The following TACC2 variants were observed in gnomAD, a reference collection of about 807,000 sequenced individuals.
The protein encoded by TACC2 is transforming acidic coiled-coil containing protein 2, also known as transforming acidic coiled-coil-containing protein 2.
TACC2 carries 137 observed loss-of-function variants against 227.3 expected under a neutral mutation model. The observed-to-expected ratio is 0.60, with a 90% CI of 0.52 to 0.69. The LOEUF (loss-of-function observed/expected upper bound fraction) is 0.69. TACC2 is among the 30% of genes least tolerant of loss of function. TACC2 has a pLI of 0.00. For synonymous variants in TACC2, 1,523 were observed against 1,487.5 expected (o/e 1.02, Z -0.55); for missense variants, 3,470 against 3,694.4 (o/e 0.94, Z 1.57).
At position 122,210,291 on chromosome 10, in the gene TACC2, G is replaced by A. The variant is rs377024586; in HGVS notation, c.5972-106G>A. On this transcript the variant is annotated intron_variant, in intron 8 of 22. Coordinates refer to ENST00000369005, the MANE Select transcript of TACC2 (RefSeq NM_206862.4). The surrounding 1 kb of genome is among the most constrained non-coding windows in gnomAD (Gnocchi z 4.6). ...GTGATGGGCGGGGTGGCCTGGGGCC[G>A]TGGTTTGTCAACCCCTACGCTGGAG... 3.1e-5 allele frequency: 28 copies of A among 893,500 alleles called. No individual in the cohort carries two copies. Among genetic ancestry groups the A allele is most frequent in the Non-Finnish European group, 3.8e-5 (21 of 553,026 alleles). 55.3% of individuals were successfully genotyped at this position (893,500 alleles called of 1,614,324 possible). A position where few individuals can be genotyped will look rare whatever the true frequency, so the allele number is the denominator to read the frequency against.
chr10:122,248,583 C>G (rs1323126531), intron 19 of TACC2, 60 bp from the exon 20 acceptor site: 2 of 1,602,126 alleles, frequency 1.2e-6, no homozygotes, highest in Non-Finnish European at 1.7e-6. Context: ...TCGGCTGGCC[C>G]CAGAGACCCA....
intron 13 of TACC2, 81 bp from the exon 14 acceptor site, chr10:122,227,756 G>A: frequency 1.4e-6 from 2 of 1,449,314 alleles, no homozygotes; most frequent in South Asian, 2.6e-5. Context: ...TTGTGATATT[G>A]ACTTGGTCAG....
chr10:121,996,248 G>A (rs1233651376), intron 1 of TACC2, among the ~76,000 whole-genome samples: 2 of 151,986 alleles, frequency 1.3e-5, no homozygotes, highest in African/African-American at 2.4e-5. Context: ...GAGAGACCGG[G>A]TCTTGCTGTG....
intron 5 of TACC2, among the ~76,000 whole-genome samples, chr10:122,119,923 GAAAAAAAA>G (rs66901536): frequency 9.1e-6 from 1 of 109,874 alleles, no homozygotes; most frequent in African/African-American, 3.2e-5. Context: ...CTTCTCAAAA[GAAAAAAAA>G]AAAAAAGAAA....
At chr10:122,079,097 A>G (rs1217868385) in intron 3 of TACC2, 1 of 152,230 alleles carries the variant, frequency 6.6e-6, no homozygotes, top group Admixed American at 6.5e-5. Context: ...AGCCGACATA[A>G]ATAGGAGCAC....
chr10:122,074,590 G>A (rs951468006), intron 3 of TACC2, among the ~76,000 whole-genome samples: 2 of 152,108 alleles, frequency 1.3e-5, no homozygotes, highest in Non-Finnish European at 2.9e-5. Context: ...TTTTCAGCTT[G>A]GGATGGAAAA....
At position 122,087,211 on chromosome 10, in the gene TACC2, G is replaced by C; in HGVS notation, c.4711G>C (p.Val1571Leu). 1 of 1,612,994 alleles carries C rather than the reference G, an allele frequency of 6.2e-7. No individual in the cohort carries two copies. Residue 1571 changes from valine (V) to leucine (L), a missense_variant, in exon 4 of 23, where the codon GTG becomes CTG. Physicochemically the swap from Val to Leu is conservative, Grantham distance 32. Around this residue, in one of 10 missense-constraint regions of TACC2, gnomAD observed 1,924 missense variants for 1,978.3 expected, o/e 0.97. Transcript: ENST00000369005. The part of the protein sequence containing the change: ...PSPAATQELP[V>L]ERAAAFQVAP... The stretch of plus-strand genomic sequence containing the variant: ...ACCAGCAGCTACTCAGGAGCTCCCT[G>C]TGGAGAGAGCTGCTGCCTTCCAGGT...
At chr10:122,238,359 A>G (rs928022660) in intron 18 of TACC2, among the ~76,000 whole-genome samples, 13 of 152,190 alleles carry the variant, frequency 8.5e-5, no homozygotes, top group African/African-American at 2.9e-4. Context: ...ATTTCTCATC[A>G]CAAATGTAAC....
chr10:122,045,830 T>A (rs561481688), intron 2 of TACC2, among the ~76,000 whole-genome samples: 1 of 152,248 alleles, frequency 6.6e-6, no homozygotes, highest in Non-Finnish European at 1.5e-5. Flanking sequence ...CATCCAGATA[T>A]GTTTGTGTTG....
chr10:122,032,850 T>C (rs949967174), intron 2 of TACC2, among the ~76,000 whole-genome samples: 2 of 152,018 alleles, frequency 1.3e-5, no homozygotes, highest in African/African-American at 2.4e-5. Flanking sequence ...TCCCAGCAAC[T>C]TGGGAGGCTG....
At chr10:122,059,541 C>G (rs1470496794) in intron 3 of TACC2, among the ~76,000 whole-genome samples, 5 of 141,186 alleles carry the variant, frequency 3.5e-5, no homozygotes, top group African/African-American at 1.3e-4. Context: ...AGACTCATGC[C>G]CCCTCTCCTG....
chr10:122,011,798 C>A (rs1301083268), intron 1 of TACC2, among the ~76,000 whole-genome samples: 3 of 152,140 alleles, frequency 2.0e-5, no homozygotes, highest in Non-Finnish European at 4.4e-5. Flanking sequence ...CTTTACTATT[C>A]CTTTAATTGA....
intron 5 of TACC2, among the ~76,000 whole-genome samples, chr10:122,098,730 T>A (rs2081775567): frequency 6.6e-6 from 1 of 152,216 alleles, no homozygotes; most frequent in Non-Finnish European, 1.5e-5. Flanking sequence ...ATGATAAGAC[T>A]ATTCTTAAGG....
At chr10:122,057,686 G>T (rs2076346855) in intron 3 of TACC2, among the ~76,000 whole-genome samples, 1 of 151,954 alleles carries the variant, frequency 6.6e-6, no homozygotes, top group African/African-American at 2.4e-5. Flanking sequence ...CAGGCATGGT[G>T]GTGGGCACCT....
At chr10:122,192,792 A>G in intron 7 of TACC2, 1 of 456,598 alleles carries the variant, frequency 2.2e-6, no homozygotes, top group Non-Finnish European at 4.4e-6. Flanking sequence ...GAGACTCTGG[A>G]AAAAGGCAAG....
intron 7 of TACC2, among the ~76,000 whole-genome samples, chr10:122,152,481 C>T (rs899226480): frequency 7.9e-5 from 12 of 152,238 alleles, no homozygotes; most frequent in African/African-American, 1.4e-4. Flanking sequence ...CATGTACTAA[C>T]CCCATATGTG....
intron 7 of TACC2, among the ~76,000 whole-genome samples, chr10:122,190,790 C>G (rs1202068279): frequency 1.3e-5 from 2 of 152,170 alleles, no homozygotes. Context: ...CCGGCTACCT[C>G]ATGTCTCCAG....
chr10:122,146,428 T>TA (rs1296186037), intron 7 of TACC2, among the ~76,000 whole-genome samples: 2 of 152,140 alleles, frequency 1.3e-5, no homozygotes, highest in Non-Finnish European at 2.9e-5. Flanking sequence ...GTGAGGCCTT[T>TA]AAGAGGTGAT....
intron 1 of TACC2, among the ~76,000 whole-genome samples, chr10:122,013,853 G>A (rs965914348): frequency 6.6e-6 from 1 of 152,168 alleles, no homozygotes; most frequent in Admixed American, 6.5e-5. Flanking sequence ...CTGGAAGACT[G>A]TGGGATGTTG....
Sources: gnomAD v4.1 joint callset for allele counts (sites outside exome capture counted in the v4.1 genomes callset) on GRCh38, gnomAD v4.1.1 for gene constraint, gnomAD v4.1.1 regional missense constraint, Gnocchi (gnomAD v3.1) non-coding constraint, MANE v1.5 for transcripts, NCBI Gene and HGNC (gene_info 2026-07-23, HGNC 2026-07-21) for gene names.